WDR25: variants seen among roughly 807,000 people sequenced by gnomAD.
The protein encoded by WDR25 is WD repeat domain 25, also known as WD repeat-containing protein 25.
WDR25 carries 35 observed loss-of-function variants against 47.7 expected under a neutral mutation model. The observed-to-expected ratio is 0.73, with a 90% CI of 0.56 to 0.97. The LOEUF (loss-of-function observed/expected upper bound fraction) is 0.97. Among genes scored for constraint, WDR25 ranks in the 50% least tolerant of loss-of-function variants. WDR25 has a pLI of 0.00. For synonymous variants in WDR25, 248 were observed against 278.9 expected (o/e 0.89, Z 1.10); for missense variants, 634 against 704.7 (o/e 0.90, Z 1.14).
rs1900458349 is a variant in WDR25 at position 100,488,515 on chromosome 14, A to G, written c.1101+4391A>G. On this transcript the variant is annotated intron_variant, in intron 4 of 6. Coordinates refer to ENST00000402312, the MANE Select transcript of WDR25 (RefSeq NM_001161476.3). The surrounding 1 kb of genome is among the most constrained non-coding windows in gnomAD (Gnocchi z 4.2). ...TTAAGCAAAAGCCTCTCTGATTCAC[A>G]ATTTTTAAATTGGTATCGTAAAGTG... Among the ~76,000 whole-genome samples the G allele has an allele frequency of 6.6e-6, 1 of 152,024 alleles. No individual in the cohort carries two copies. Among genetic ancestry groups the G allele is most frequent in the African/African-American group, 2.4e-5 (1 of 41,382 alleles).
intron 3 of WDR25, among the ~76,000 whole-genome samples, chr14:100,472,828 G>C (rs1418975689): frequency 2.6e-5 from 4 of 152,190 alleles, no homozygotes; most frequent in African/African-American, 9.7e-5. Flanking sequence ...CCCCCAGCCT[G>C]CCCGGCCTGA....
chr14:100,462,913 C>CT (rs111681661), intron 2 of WDR25, among the ~76,000 whole-genome samples: 18,131 of 43,676 alleles, frequency 0.42, 6,074 homozygotes, highest in African/African-American at 0.68. Context: ...TCCTCTCCCC[C>CT]GCTCCTTCCT....
intron 2 of WDR25, among the ~76,000 whole-genome samples, chr14:100,445,305 G>C (rs113455298): frequency 0.01 from 1,537 of 152,304 alleles, 16 homozygotes; most frequent in Middle Eastern, 0.037. Context: ...AAAGTAACTT[G>C]TGTTGTTTTG....
At chr14:100,393,222 G>C (rs1458545026) in intron 2 of WDR25, among the ~76,000 whole-genome samples, 1 of 152,226 alleles carries the variant, frequency 6.6e-6, no homozygotes, top group African/African-American at 2.4e-5. Context: ...CCTACTCACA[G>C]TGTATTTACA....
chr14:100,452,287 C>G (rs1183394439), intron 2 of WDR25, among the ~76,000 whole-genome samples: 1 of 152,194 alleles, frequency 6.6e-6, no homozygotes, highest in African/African-American at 2.4e-5. Flanking sequence ...GTTCAAGACA[C>G]TGGGGGATAT....
At chr14:100,446,014 A>G (rs1898820412) in intron 2 of WDR25, among the ~76,000 whole-genome samples, 1 of 152,200 alleles carries the variant, frequency 6.6e-6, no homozygotes, top group Non-Finnish European at 1.5e-5. Flanking sequence ...TCAACCCAGG[A>G]TGACCCCAAG....
intron 3 of WDR25, among the ~76,000 whole-genome samples, chr14:100,473,591 C>T (rs74495517): frequency 0.014 from 2,183 of 152,264 alleles, 57 homozygotes; most frequent in African/African-American, 0.05. Flanking sequence ...AAGTGGGCCA[C>T]TGAGGGAAAG....
rs1900874687 is a variant in WDR25, at chr14:100,500,298, G to C, written c.1101+16174G>C. Among the ~76,000 whole-genome samples the C allele has an allele frequency of 6.6e-6, 1 of 152,176 alleles. No individual in the cohort carries two copies. The highest frequency in any genetic ancestry group is 1.5e-5 in the Non-Finnish European group (1 of 68,038). On this transcript the variant is annotated intron_variant, in intron 4 of 6. Coordinates refer to ENST00000402312, the MANE Select transcript of WDR25 (RefSeq NM_001161476.3). This position sits in a 1 kb window ranked among gnomAD's most constrained non-coding sequence, Gnocchi z 4.7. The stretch of plus-strand genomic sequence containing the variant: ...GGGTGGTTCAGGACCTGCGGGGGCT[G>C]CGGGGAAGGCCCTGCCCTAATTCAG...
chr14:100,413,419 T>G (rs1005944620), intron 2 of WDR25, among the ~76,000 whole-genome samples: 85 of 151,410 alleles, frequency 5.6e-4, no homozygotes, highest in African/African-American at 2.0e-3. Flanking sequence ...CCATTACTTT[T>G]TTTTTTTTTT....
intron 3 of WDR25, among the ~76,000 whole-genome samples, chr14:100,470,233 A>G (rs1899782564): frequency 6.6e-6 from 1 of 152,186 alleles, no homozygotes. Context: ...TGTAGTATGC[A>G]TGGAAACCAA....
At chr14:100,443,077 C>T (rs570691419) in intron 2 of WDR25, among the ~76,000 whole-genome samples, 155 of 152,320 alleles carry the variant, frequency 1.0e-3, no homozygotes, top group African/African-American at 3.0e-3. Flanking sequence ...GAGTCCTGCC[C>T]GGCTGCAGGT....
intron 4 of WDR25, among the ~76,000 whole-genome samples, chr14:100,485,551 G>A (rs554060131): frequency 6.6e-6 from 1 of 152,308 alleles, no homozygotes; most frequent in Admixed American, 6.5e-5. Context: ...GCTAGGCGTG[G>A]GCTTCACACA....
intron 2 of WDR25, among the ~76,000 whole-genome samples, chr14:100,434,789 T>A (rs552654835): frequency 6.6e-6 from 1 of 152,318 alleles, no homozygotes; most frequent in African/African-American, 2.4e-5. Flanking sequence ...ACCAGTCTCA[T>A]TAGTCTGTGT....
At chr14:100,417,712 C>CT (rs1241207745) in intron 2 of WDR25, among the ~76,000 whole-genome samples, 1 of 152,176 alleles carries the variant, frequency 6.6e-6, no homozygotes, top group Admixed American at 6.5e-5. Flanking sequence ...ACAAATCGCC[C>CT]TTACTTTGAT....
intron 2 of WDR25, among the ~76,000 whole-genome samples, chr14:100,444,719 G>A (rs1898777123): frequency 6.6e-6 from 1 of 152,230 alleles, no homozygotes; most frequent in African/African-American, 2.4e-5. Flanking sequence ...CATCTGGAGG[G>A]CTGTGTCTAG....
rs978123963 is a variant in WDR25 at position 100,500,447 on chromosome 14, G to A, written c.1101+16323G>A. ...GGGGATGGTCAGATGGAGGCATGCC[G>A]GGCACGGGGCATTCTCTGTGGCCCA... is the stretch of plus-strand genomic sequence containing the variant. On this transcript the variant is annotated intron_variant, in intron 4 of 6. Transcript: ENST00000402312. This position sits in a 1 kb window ranked among gnomAD's most constrained non-coding sequence, Gnocchi z 4.7. Among the ~76,000 whole-genome samples, 4 of 152,190 alleles carry A rather than the reference G, an allele frequency of 2.6e-5. No individual in the cohort carries two copies. Among genetic ancestry groups the A allele is most frequent in the East Asian group, 1.9e-4 (1 of 5,194 alleles).
chr14:100,419,263 G>A (rs1395525930), intron 2 of WDR25, among the ~76,000 whole-genome samples: 2 of 151,710 alleles, frequency 1.3e-5, no homozygotes, highest in Non-Finnish European at 2.9e-5. Flanking sequence ...TCTCCACAGG[G>A]GTCTCTCTGC....
intron 2 of WDR25, among the ~76,000 whole-genome samples, chr14:100,466,593 G>A (rs151223594): frequency 1.0e-3 from 154 of 152,248 alleles, no homozygotes; most frequent in African/African-American, 3.6e-3. Flanking sequence ...CACTGCCCTC[G>A]GGGTGGCGCT....
At chr14:100,386,606 CTTTG>C (rs1897022719) in intron 2 of WDR25, among the ~76,000 whole-genome samples, 2 of 152,024 alleles carry the variant, frequency 1.3e-5, no homozygotes, top group African/African-American at 4.8e-5. Context: ...TTAAGATGGG[CTTTG>C]AGGCCAGGCG....
Sources: gnomAD v4.1 joint callset for allele counts (sites outside exome capture counted in the v4.1 genomes callset) on GRCh38, gnomAD v4.1.1 for gene constraint, Gnocchi (gnomAD v3.1) non-coding constraint, MANE v1.5 for transcripts, NCBI Gene and HGNC (gene_info 2026-07-23, HGNC 2026-07-21) for gene names.